NEBL: variants seen among roughly 807,000 people sequenced by gnomAD.
The protein encoded by NEBL is nebulette.
A neutral mutation model predicts 140.2 loss-of-function variants in NEBL; 122 were observed. The observed-to-expected ratio is 0.87, with a 90% CI of 0.75 to 1.01. The LOEUF (loss-of-function observed/expected upper bound fraction) is 1.01. Among genes scored for constraint, NEBL ranks in the 50% least tolerant of loss-of-function variants. The probability of loss-of-function intolerance (pLI) is 0.00; values close to 1 mark genes in which losing one functional copy is unlikely to be tolerated. For synonymous variants in NEBL, 436 were observed against 398.9 expected, an observed-to-expected ratio of 1.09 and a Z score of -1.11; for missense variants, 1,365 against 1,231.3, an observed-to-expected ratio of 1.11 and a Z score of -1.62.
At chr10:20,833,296 A>C (rs1013233661) in intron 14 of NEBL, among the ~76,000 whole-genome samples, 4 of 152,170 alleles carry the variant, frequency 2.6e-5, no homozygotes, top group African/African-American at 7.2e-5. Context: ...AAGCCCAGAG[A>C]TATGGGAAGG....
intron 3 of NEBL, among the ~76,000 whole-genome samples, chr10:21,215,022 G>C (rs1020599478): frequency 6.6e-6 from 1 of 151,996 alleles, no homozygotes; most frequent in Non-Finnish European, 1.5e-5. Flanking sequence ...TGATCCCTCC[G>C]ACCCCATGAA....
intron 2 of NEBL, among the ~76,000 whole-genome samples, chr10:21,039,366 G>A (rs547445715): frequency 3.7e-4 from 56 of 152,114 alleles, no homozygotes; most frequent in African/African-American, 6.0e-4. Flanking sequence ...TGGGTTTTAC[G>A]TTTAAGTCTT....
chr10:20,939,102 T>TCC (rs984563485), intron 4 of NEBL, among the ~76,000 whole-genome samples: 1 of 151,602 alleles, frequency 6.6e-6, no homozygotes, highest in Non-Finnish European at 1.5e-5. Flanking sequence ...ACAAAGATAC[T>TCC]CCCCAAGAAG....
intron 2 of NEBL, among the ~76,000 whole-genome samples, chr10:21,163,711 C>T (rs908758749): frequency 6.6e-6 from 1 of 152,114 alleles, no homozygotes; most frequent in Admixed American, 6.5e-5. Flanking sequence ...CTTTTTAGAC[C>T]GCTGAGCTGA....
chr10:21,135,722 G>A (rs1352309270), intron 2 of NEBL, among the ~76,000 whole-genome samples: 3 of 152,160 alleles, frequency 2.0e-5, no homozygotes, highest in Non-Finnish European at 4.4e-5. Context: ...TACACCACAT[G>A]GGCTTCTGTA....
At chr10:20,933,251 T>A (rs532682256) in intron 4 of NEBL, among the ~76,000 whole-genome samples, 17 of 152,290 alleles carry the variant, frequency 1.1e-4, no homozygotes, top group African/African-American at 4.1e-4. Context: ...ATTTATAAAT[T>A]GTTACCTGTG....
At chr10:20,956,156 A>G (rs1213715954) in intron 4 of NEBL, among the ~76,000 whole-genome samples, 2 of 152,194 alleles carry the variant, frequency 1.3e-5, no homozygotes, top group African/African-American at 4.8e-5. Context: ...TGTAAGGGAA[A>G]CCACAGATTT....
intron 3 of NEBL, among the ~76,000 whole-genome samples, chr10:20,983,522 T>C (rs1311864546): frequency 6.6e-6 from 1 of 152,226 alleles, no homozygotes; most frequent in Non-Finnish European, 1.5e-5. Flanking sequence ...CCAATTTTAT[T>C]TGGCAATAAA....
intron 4 of NEBL, among the ~76,000 whole-genome samples, chr10:20,936,956 T>C (rs938743767): frequency 1.3e-5 from 2 of 152,234 alleles, no homozygotes; most frequent in African/African-American, 2.4e-5. Context: ...ATCCCGTTTT[T>C]TGCCTGGTAT....
At chr10:21,232,229 T>C (rs979031171) in intron 3 of NEBL, among the ~76,000 whole-genome samples, 7 of 151,664 alleles carry the variant, frequency 4.6e-5, no homozygotes, top group African/African-American at 1.7e-4. Flanking sequence ...CCATAGACCA[T>C]GCAATTCTCT....
chr10:21,037,329 A>G (rs1175672761), intron 2 of NEBL, among the ~76,000 whole-genome samples: 1 of 152,212 alleles, frequency 6.6e-6, no homozygotes, highest in East Asian at 1.9e-4. Flanking sequence ...TGGAAGGAGC[A>G]GATAATTCAT....
At chr10:21,095,794 G>A (rs543877641) in intron 2 of NEBL, among the ~76,000 whole-genome samples, 1 of 152,262 alleles carries the variant, frequency 6.6e-6, no homozygotes, top group East Asian at 1.9e-4. Context: ...AAAATGACAA[G>A]GAAGACTTGG....
chr10:21,271,322 T>A (rs555663059), intron 1 of NEBL, among the ~76,000 whole-genome samples: 2 of 152,228 alleles, frequency 1.3e-5, no homozygotes, highest in East Asian at 1.9e-4. Context: ...CCTAAACAGG[T>A]TCTCAAGAAG....
chr10:21,024,393 A>G (rs1838936266), intron 2 of NEBL, among the ~76,000 whole-genome samples: 1 of 152,118 alleles, frequency 6.6e-6, no homozygotes, highest in South Asian at 2.1e-4. Flanking sequence ...GAGGGAAAGA[A>G]GGAATTTATA....
chr10:20,861,784 T>C (rs1238433246), intron 7 of NEBL, among the ~76,000 whole-genome samples: 1 of 152,314 alleles, frequency 6.6e-6, no homozygotes, highest in East Asian at 1.9e-4. Flanking sequence ...ATAAATTCCT[T>C]TGTTATTAAA....
chr10:20,921,464 C>T (rs560212493), intron 4 of NEBL, among the ~76,000 whole-genome samples: 1 of 152,092 alleles, frequency 6.6e-6, no homozygotes, highest in East Asian at 1.9e-4. Context: ...GGTATTTCTT[C>T]CTCACACCCT....
In NEBL at chr10:21,190,130, T is replaced by C. The variant is rs564690397; in HGVS notation, n.349-17653A>G. On this transcript the variant is annotated intron_variant and non_coding_transcript_variant, in intron 3 of 8. Transcript: ENST00000675702. ...CATCTTGCTACCCGAGCACAAAACT[T>C]GACATATTATAGGCACTCAATATGT... 2.1e-3 allele frequency among the ~76,000 whole-genome samples: 323 copies of C among 152,230 alleles called. 3 individuals are homozygous for C. The highest frequency in any genetic ancestry group is 7.5e-3 in the African/African-American group (310 of 41,538).
chr10:20,804,822 G>C (rs1203044075), intron 26 of NEBL, among the ~76,000 whole-genome samples: 1 of 152,222 alleles, frequency 6.6e-6, no homozygotes, highest in African/African-American at 2.4e-5. Flanking sequence ...TGAAAATTTG[G>C]GTTATATTCA....
chr10:20,803,812 AAT>A lies in NEBL; in HGVS notation c.2761+4696_2761+4697del, dbSNP rs773980585. On this transcript the variant is annotated intron_variant, in intron 26 of 27. Coordinates refer to ENST00000377122, the MANE Select transcript of NEBL (RefSeq NM_006393.3). ...GAGACTTCTTTCCTTCTGTACGAAAAATATATATATATATATATATATATATG... is the reference window on the plus strand; with the variant it reads ...GAGACTTCTTTCCTTCTGTACGAAAAATATATATATATATATATATATATG... Among the ~76,000 whole-genome samples the A allele has an allele frequency of 1.5e-3, 220 of 143,434 alleles. 1 individual carries two copies. Among genetic ancestry groups the A allele is most frequent in the Middle Eastern group, 0.011 (3 of 274 alleles). The allele number at this position is 143,434 out of a possible 152,430, so 94.1% of individuals were successfully genotyped here.
Sources: allele counts gnomAD v4.1 joint callset (sites outside exome capture counted in the v4.1 genomes callset), GRCh38; gene constraint gnomAD v4.1.1; transcripts MANE v1.5; gene names NCBI Gene and HGNC (gene_info 2026-07-23, HGNC 2026-07-21).